The following RBMS3 variants were observed in gnomAD, a reference collection of about 807,000 sequenced individuals.
The protein encoded by RBMS3 is RNA binding motif single stranded interacting protein 3.
RBMS3 carries 27 observed loss-of-function variants against 66.8 expected under a neutral mutation model. The observed-to-expected ratio is 0.40, with a 90% confidence interval of 0.30 to 0.56. The LOEUF is 0.56. Among genes scored for constraint, RBMS3 ranks in the 20% least tolerant of loss-of-function variants. RBMS3 has a pLI of 0.40. For synonymous variants in RBMS3, 188 were observed against 183.0 expected (o/e 1.03, Z -0.22); for missense variants, 513 against 549.5 (o/e 0.93, Z 0.66).
At chr3:29,368,562 G>GT (rs1325883003) in intron 1 of RBMS3, among the ~76,000 whole-genome samples, 1 of 143,702 alleles carries the variant, frequency 7.0e-6, no homozygotes. Flanking sequence ...ACAAGGAGCT[G>GT]TTAAAAAAAA....
intron 4 of RBMS3, chr3:29,641,063 G>A (rs192701142): frequency 1.2e-4 from 18 of 152,042 alleles, no homozygotes; most frequent in African/African-American, 4.3e-4. Flanking sequence ...AAAATAACTA[G>A]GAAAGACATA....
At chr3:29,406,768 A>G (rs1478962848) in intron 1 of RBMS3, among the ~76,000 whole-genome samples, 1 of 152,188 alleles carries the variant, frequency 6.6e-6, no homozygotes, top group Non-Finnish European at 1.5e-5. Context: ...TTTTCATTAA[A>G]CTAATTTTTT....
chr3:30,000,598 A>C (rs1054341853), intron 14 of RBMS3, among the ~76,000 whole-genome samples: 1 of 152,204 alleles, frequency 6.6e-6, no homozygotes, highest in African/African-American at 2.4e-5. Flanking sequence ...ACGAATGTTT[A>C]CTGTGGCACT....
intron 4 of RBMS3, among the ~76,000 whole-genome samples, chr3:29,676,207 T>C (rs1174707269): frequency 6.6e-6 from 1 of 152,094 alleles, no homozygotes; most frequent in Non-Finnish European, 1.5e-5. Context: ...TTCTCACTTA[T>C]AGGTGGGAAC....
chr3:29,992,201 GA>G (rs560949148), intron 14 of RBMS3, among the ~76,000 whole-genome samples: 6 of 151,956 alleles, frequency 3.9e-5, no homozygotes, highest in South Asian at 2.1e-4. Context: ...TCTTATTAAA[GA>G]AAAAAAATAT....
intron 4 of RBMS3, among the ~76,000 whole-genome samples, chr3:29,671,329 C>A (rs888543832): frequency 2.6e-5 from 4 of 152,192 alleles, no homozygotes; most frequent in African/African-American, 9.7e-5. Flanking sequence ...GGGGAGAAAC[C>A]AGAGCAGAAA....
At chr3:29,490,942 C>T (rs894289339) in intron 3 of RBMS3, among the ~76,000 whole-genome samples, 7 of 152,034 alleles carry the variant, frequency 4.6e-5, no homozygotes, top group East Asian at 1.9e-4. Context: ...TAAGCAACAC[C>T]TGGAAACCTC....
At chr3:29,517,169 C>T (rs958603267) in intron 3 of RBMS3, among the ~76,000 whole-genome samples, 3 of 151,592 alleles carry the variant, frequency 2.0e-5, no homozygotes, top group African/African-American at 7.3e-5. Flanking sequence ...GTTTTGGTTG[C>T]GTCACTGCAC....
chr3:29,681,723 A>G (rs1319460334), intron 4 of RBMS3, among the ~76,000 whole-genome samples: 1 of 152,206 alleles, frequency 6.6e-6, no homozygotes, highest in Admixed American at 6.5e-5. Context: ...CATGGTGTAT[A>G]TGTACCACAT....
rs548935108 is a variant in RBMS3, at chr3:29,688,051, A to G, written c.400-51669A>G. Among the ~76,000 whole-genome samples the G allele has an allele frequency of 1.2e-4, 19 of 152,298 alleles. No homozygotes were observed. In the South Asian group the frequency reaches 3.5e-3, roughly 28 times the overall value. On this transcript the variant is annotated intron_variant, in intron 4 of 14. Coordinates refer to ENST00000383767, the MANE Select transcript of RBMS3 (RefSeq NM_001003793.3). Reference sequence around the variant, plus strand: ...AGTTTCATGGAACATCTAAACTGATATTATTTTCACCCAGCTCTACTCCAA... The same window carrying G: ...AGTTTCATGGAACATCTAAACTGATGTTATTTTCACCCAGCTCTACTCCAA...
chr3:29,752,861 A>G (rs2055242092), intron 5 of RBMS3, among the ~76,000 whole-genome samples: 1 of 152,206 alleles, frequency 6.6e-6, no homozygotes, highest in Non-Finnish European at 1.5e-5. Context: ...AAAGAAGGGC[A>G]TAGGTAAAGG....
intron 1 of RBMS3, among the ~76,000 whole-genome samples, chr3:29,417,378 T>C (rs1434231699): frequency 1.3e-5 from 2 of 152,128 alleles, no homozygotes; most frequent in Non-Finnish European, 2.9e-5. Context: ...GTATGTAAAC[T>C]TAACCTCTGG....
intron 1 of RBMS3, among the ~76,000 whole-genome samples, chr3:29,385,800 C>G (rs528373715): frequency 6.6e-6 from 1 of 152,280 alleles, no homozygotes; most frequent in African/African-American, 2.4e-5. Flanking sequence ...TTACTAAAAA[C>G]CCTTCATAAT....
intron 6 of RBMS3, among the ~76,000 whole-genome samples, chr3:29,842,502 C>T (rs1013229581): frequency 6.6e-6 from 1 of 152,106 alleles, no homozygotes; most frequent in African/African-American, 2.4e-5. Context: ...GAATGAATAA[C>T]AGTAATTACT....
At chr3:29,590,949 A>T (rs549529169) in intron 4 of RBMS3, among the ~76,000 whole-genome samples, 3 of 152,168 alleles carry the variant, frequency 2.0e-5, no homozygotes, top group African/African-American at 7.2e-5. Flanking sequence ...AAAAAGAGAA[A>T]AAAGCAAATA....
chr3:29,791,886 G>T (rs962476400), intron 6 of RBMS3, among the ~76,000 whole-genome samples: 1 of 151,980 alleles, frequency 6.6e-6, no homozygotes, highest in Non-Finnish European at 1.5e-5. Context: ...ATCATATAAT[G>T]GTTATTCTTA....
chr3:29,577,775 C>G (rs2047172891), intron 3 of RBMS3, among the ~76,000 whole-genome samples: 1 of 152,148 alleles, frequency 6.6e-6, no homozygotes, highest in Admixed American at 6.5e-5. Flanking sequence ...CTGCATGGCT[C>G]ACTACCTGTG....
chr3:29,914,958 A>C (rs1429418495), intron 10 of RBMS3, among the ~76,000 whole-genome samples: 1 of 151,898 alleles, frequency 6.6e-6, no homozygotes, highest in Non-Finnish European at 1.5e-5. Context: ...GCACAGCAAC[A>C]AGCCTCTGCC....
intron 1 of RBMS3, among the ~76,000 whole-genome samples, chr3:29,359,508 T>C (rs2037432375): frequency 6.6e-6 from 1 of 152,138 alleles, no homozygotes; most frequent in South Asian, 2.1e-4. Context: ...TAAAATTCTC[T>C]TTTTTTGTTG....
Sources: allele counts gnomAD v4.1 joint callset (sites outside exome capture counted in the v4.1 genomes callset), GRCh38; gene constraint gnomAD v4.1.1; transcripts MANE v1.5; gene names NCBI Gene and HGNC (gene_info 2026-07-23, HGNC 2026-07-21).